CD2AP: variants seen among roughly 807,000 people sequenced by gnomAD.
CD2AP encodes CD2 associated protein.
In CD2AP, 46 loss-of-function variants were observed where a neutral mutation model predicts 85.1. The ratio of observed to expected loss-of-function variants is 0.54; its 90% CI spans 0.43 to 0.69. The LOEUF is 0.69. Ranked by LOEUF, CD2AP falls within the 30% of genes least tolerant of loss-of-function variation. The probability of loss-of-function intolerance (pLI) is 0.00; values close to 1 mark genes in which losing one functional copy is unlikely to be tolerated. For missense variants in CD2AP, 769 were observed against 729.5 expected (o/e 1.05, Z -0.62); for synonymous variants, 255 against 252.9 (o/e 1.01, Z -0.08).
intron 5 of CD2AP, among the ~76,000 whole-genome samples, chr6:47,558,158 A>T (rs1767746728): frequency 6.6e-6 from 1 of 151,990 alleles, no homozygotes; most frequent in Non-Finnish European, 1.5e-5. Flanking sequence ...AATGCTTGTG[A>T]TTTTTGCTCA....
chr6:47,510,210 G>T (rs751755830), intron 2 of CD2AP, among the ~76,000 whole-genome samples: 15 of 152,292 alleles, frequency 9.8e-5, no homozygotes, highest in African/African-American at 2.4e-4. Flanking sequence ...GTAGATACAG[G>T]AATGGTTTTG....
intron 2 of CD2AP, among the ~76,000 whole-genome samples, chr6:47,520,459 G>A (rs1285433957): frequency 6.6e-6 from 1 of 152,178 alleles, no homozygotes; most frequent in Non-Finnish European, 1.5e-5. Flanking sequence ...ACCTGCCTTG[G>A]CTGGAGAGGC....
intron 17 of CD2AP, among the ~76,000 whole-genome samples, chr6:47,616,103 T>G (rs1426956020): frequency 8.6e-6 from 1 of 115,732 alleles, no homozygotes; most frequent in East Asian, 2.8e-4. Context: ...TTTTTTTTTT[T>G]TTTTTTGAGA....
chr6:47,582,781 TTTTTTTTTGTTTTG>T (rs1768513960), intron 11 of CD2AP, among the ~76,000 whole-genome samples: 1 of 86,266 alleles, frequency 1.2e-5, no homozygotes, highest in African/African-American at 3.8e-5. Context: ...GTTTTTTTTG[TTTTTTTTTGTTTTG>T]TTTTTTTTTT....
intron 5 of CD2AP, among the ~76,000 whole-genome samples, chr6:47,561,306 A>C (rs115291532): frequency 0.011 from 1,643 of 152,288 alleles, 27 homozygotes; most frequent in African/African-American, 0.037. Flanking sequence ...AGTCCTAGGC[A>C]ATCATAGATC....
At chr6:47,600,589 A>G (rs780326084) in intron 13 of CD2AP, among the ~76,000 whole-genome samples, 8 of 151,724 alleles carry the variant, frequency 5.3e-5, no homozygotes, top group Admixed American at 2.6e-4. Context: ...ATTTACTACT[A>G]ATTTCTGGGA....
intron 1 of CD2AP, among the ~76,000 whole-genome samples, chr6:47,497,623 A>G (rs896730655): frequency 1.3e-5 from 2 of 152,118 alleles, no homozygotes; most frequent in African/African-American, 2.4e-5. Flanking sequence ...CATGTTGCCC[A>G]GGCTGGTCTT....
intron 5 of CD2AP, among the ~76,000 whole-genome samples, chr6:47,570,474 T>C (rs1181907245): frequency 1.3e-5 from 2 of 152,170 alleles, no homozygotes; most frequent in Non-Finnish European, 2.9e-5. Context: ...CTGTTTTGTC[T>C]CATTATGGCA....
intron 1 of CD2AP, among the ~76,000 whole-genome samples, chr6:47,491,293 G>C (rs1765728041): frequency 6.7e-6 from 1 of 150,102 alleles, no homozygotes; most frequent in South Asian, 2.1e-4. Flanking sequence ...GTGTGTGTGT[G>C]TGTGTGTGTG....
At chr6:47,548,388 A>T (rs1767423029) in intron 4 of CD2AP, among the ~76,000 whole-genome samples, 1 of 152,176 alleles carries the variant, frequency 6.6e-6, no homozygotes, top group Non-Finnish European at 1.5e-5. Context: ...TTGACACCAC[A>T]GAAATACAAA....
chr6:47,497,906 T>C (rs1468989307), intron 1 of CD2AP, among the ~76,000 whole-genome samples: 2 of 152,232 alleles, frequency 1.3e-5, no homozygotes, highest in African/African-American at 4.8e-5. Flanking sequence ...TCCCGTTTAG[T>C]ATAGACTGTT....
At chr6:47,483,585 A>G (rs1765497767) in intron 1 of CD2AP, among the ~76,000 whole-genome samples, 1 of 152,186 alleles carries the variant, frequency 6.6e-6, no homozygotes, top group Non-Finnish European at 1.5e-5. Context: ...AAGAGGTAAT[A>G]ACAAGACACT....
chr6:47,523,680 A>G (rs936498887), intron 2 of CD2AP, among the ~76,000 whole-genome samples: 3 of 152,130 alleles, frequency 2.0e-5, no homozygotes, highest in African/African-American at 7.2e-5. Flanking sequence ...TTTCACATAG[A>G]CTATATTCAG....
Position 47,625,307 on chromosome 6 carries a change from C to T in CD2AP, c.*1080C>T, listed in dbSNP as rs763639814. On this transcript the variant is annotated 3_prime_UTR_variant, in exon 18 of 18. Coordinates refer to ENST00000359314, the MANE Select transcript of CD2AP (RefSeq NM_012120.3). ...TACGATGTATAATTTACCTAATAGA[C>T]CAAACTAACTCATGGAGATATTTTG... The T allele has an allele frequency of 7.9e-5, 12 of 151,950 alleles. No individual in the cohort carries two copies. The highest frequency in any genetic ancestry group is 1.9e-4 in the East Asian group (1 of 5,190). The allele number at this position is 151,950 out of a possible 1,614,324, so 9.4% of individuals were successfully genotyped here.
intron 5 of CD2AP, among the ~76,000 whole-genome samples, chr6:47,566,378 A>G (rs2114083882): frequency 6.7e-6 from 1 of 149,006 alleles, no homozygotes; most frequent in East Asian, 2.0e-4. Context: ...ATTGTCTAGA[A>G]TGGTCTCTGA....
intron 2 of CD2AP, among the ~76,000 whole-genome samples, chr6:47,509,197 C>CA (rs1424769758): frequency 2.6e-5 from 4 of 152,164 alleles, no homozygotes; most frequent in Non-Finnish European, 4.4e-5. Context: ...AGTTAGAAGA[C>CA]ACACAATATT....
chr6:47,527,253 C>CA (rs1766755610), intron 2 of CD2AP, among the ~76,000 whole-genome samples: 1 of 152,200 alleles, frequency 6.6e-6, no homozygotes, highest in African/African-American at 2.4e-5. Flanking sequence ...CTCCTACACT[C>CA]AATGAAGAAG....
rs1393018677 is a variant in CD2AP, at chr6:47,478,089, G to A, written c.-156G>A. 32 of 937,782 alleles carry A rather than the reference G, an allele frequency of 3.4e-5. No individual in the cohort carries two copies. Among genetic ancestry groups the A allele is most frequent in the Non-Finnish European group, 4.1e-5 (25 of 605,868 alleles). 58.1% of individuals were successfully genotyped at this position (937,782 alleles called of 1,614,324 possible). Reference sequence around the variant, plus strand: ...GAAGAGACTGGTAGGAGAGCGCCGCGGGCGGATGGAGGCGACTCTTCGCCC... The same window carrying A: ...GAAGAGACTGGTAGGAGAGCGCCGCAGGCGGATGGAGGCGACTCTTCGCCC... On this transcript the variant is annotated 5_prime_UTR_variant, in exon 1 of 18. Transcript: ENST00000359314.
At chr6:47,536,688 A>G (rs1412458265) in intron 3 of CD2AP, among the ~76,000 whole-genome samples, 1 of 152,208 alleles carries the variant, frequency 6.6e-6, no homozygotes, top group East Asian at 1.9e-4. Context: ...TAGAGCAAAC[A>G]TGGAATAGTG....
Sources: allele counts gnomAD v4.1 joint callset (sites outside exome capture counted in the v4.1 genomes callset), GRCh38; gene constraint gnomAD v4.1.1; transcripts MANE v1.5; gene names NCBI Gene and HGNC (gene_info 2026-07-23, HGNC 2026-07-21).